The following SMCHD1 variants were observed in gnomAD, a reference collection of about 807,000 sequenced individuals.
The protein encoded by SMCHD1 is structural maintenance of chromosomes flexible hinge domain containing 1.
SMCHD1 carries 78 observed loss-of-function variants against 254.7 expected under a neutral mutation model. The observed-to-expected ratio is 0.31, with a 90% CI of 0.26 to 0.37. The LOEUF (loss-of-function observed/expected upper bound fraction) is 0.37, where lower values mean the gene tolerates loss of function less well. Among genes scored for constraint, SMCHD1 ranks in the 10% least tolerant of loss-of-function variants. The pLI is 1.00. For synonymous variants in SMCHD1, 766 were observed against 794.9 expected (o/e 0.96, Z 0.61); for missense variants, 1,840 against 2,408.1 (o/e 0.76, Z 4.94).
At chr18:2,722,938 T>C (rs1160785724) in intron 20 of SMCHD1, among the ~76,000 whole-genome samples, 1 of 145,054 alleles carries the variant, frequency 6.9e-6, no homozygotes, top group Non-Finnish European at 1.5e-5. Context: ...AAGTATGATA[T>C]AATGTCTCTT....
intron 5 of SMCHD1, among the ~76,000 whole-genome samples, chr18:2,678,603 C>G (rs1286587117): frequency 6.6e-6 from 1 of 152,062 alleles, no homozygotes. Flanking sequence ...AGGCGTGAGC[C>G]CCACCGCGCC....
At chr18:2,692,560 C>T (rs978812467) in intron 7 of SMCHD1, among the ~76,000 whole-genome samples, 1 of 152,166 alleles carries the variant, frequency 6.6e-6, no homozygotes, top group Admixed American at 6.5e-5. Context: ...TTTCTTTCAT[C>T]TATCCTCTCT....
chr18:2,789,910 G>A (rs149928809), intron 45 of SMCHD1, among the ~76,000 whole-genome samples: 54 of 152,330 alleles, frequency 3.5e-4, no homozygotes, highest in African/African-American at 1.1e-3. Context: ...CAGGCTGGGC[G>A]TGGTGGCTCA....
intron 45 of SMCHD1, among the ~76,000 whole-genome samples, chr18:2,789,005 G>C (rs1176259256): frequency 6.7e-6 from 1 of 148,538 alleles, no homozygotes; most frequent in East Asian, 2.0e-4. Context: ...TCACAGCTTT[G>C]TTTTTCTTTT....
chr18:2,771,085 G>C (rs926950361), intron 39 of SMCHD1, among the ~76,000 whole-genome samples: 2 of 152,094 alleles, frequency 1.3e-5, no homozygotes, highest in African/African-American at 4.8e-5. Flanking sequence ...TTTACCGCTT[G>C]CCTCAAAGTA....
At chr18:2,685,317 T>C (rs2074026562) in intron 5 of SMCHD1, among the ~76,000 whole-genome samples, 1 of 151,988 alleles carries the variant, frequency 6.6e-6, no homozygotes, top group South Asian at 2.1e-4. Flanking sequence ...GCCAGGATGG[T>C]CTTGATCTCC....
intron 7 of SMCHD1, among the ~76,000 whole-genome samples, chr18:2,692,699 T>C (rs1165211403): frequency 1.3e-5 from 2 of 152,234 alleles, no homozygotes; most frequent in South Asian, 2.1e-4. Flanking sequence ...TGGAATGTTA[T>C]TATTCAGTCA....
chr18:2,796,125 G>A lies in SMCHD1; in HGVS notation c.5878+18G>A. ...AAAACTAGGTAAGTCTTTGCTTTTT[G>A]TTAACTTCTACTTTCTTTATATGGA... On this transcript the variant is annotated intron_variant, in intron 46 of 47. Coordinates refer to ENST00000320876, the MANE Select transcript of SMCHD1 (RefSeq NM_015295.3). 1 of 1,503,280 alleles carries A rather than the reference G, an allele frequency of 6.7e-7. No individual in the cohort carries two copies. The highest frequency in any genetic ancestry group is 8.9e-7 in the Non-Finnish European group (1 of 1,125,522). The allele number at this position is 1,503,280 out of a possible 1,614,324, so 93.1% of individuals were successfully genotyped here. A position where few individuals can be genotyped will look rare whatever the true frequency, so the allele number is the denominator to read the frequency against.
intron 37 of SMCHD1, among the ~76,000 whole-genome samples, chr18:2,767,461 G>A (rs1022595579): frequency 3.3e-5 from 5 of 151,934 alleles, no homozygotes; most frequent in Admixed American, 6.6e-5. Flanking sequence ...ACTTAATGAC[G>A]GGCATATGTT....
chr18:2,708,725 C>G (rs972242189), intron 17 of SMCHD1, among the ~76,000 whole-genome samples: 2 of 150,658 alleles, frequency 1.3e-5, no homozygotes, highest in Non-Finnish European at 3.0e-5. Flanking sequence ...AAGCAATTCT[C>G]CTGTCTCAGC....
intron 5 of SMCHD1, among the ~76,000 whole-genome samples, chr18:2,679,417 A>G (rs1297847839): frequency 2.9e-5 from 4 of 135,608 alleles, no homozygotes; most frequent in Non-Finnish European, 4.7e-5. Context: ...CGGAGCTTGC[A>G]GTGAGCCGAG....
chr18:2,688,682 G>C lies in SMCHD1; in HGVS notation c.808G>C (p.Glu270Gln). 1 of 1,552,010 alleles carries C rather than the reference G, an allele frequency of 6.4e-7. No homozygotes were observed. Among genetic ancestry groups the C allele is most frequent in the Non-Finnish European group, 8.7e-7 (1 of 1,143,508 alleles). Residue 270 changes from glutamate (E) to glutamine (Q), a missense_variant, in exon 7 of 48, where the codon GAA (glutamate) becomes CAA (glutamine). By Grantham distance (29) the Glu-to-Gln change is conservative. This residue lies in a region of SMCHD1 where 498 missense variants were observed against 743.5 expected (regional missense o/e 0.67). Transcript: ENST00000320876. ...TGTTCACGAGCTTGTGCTTTCTAAAGAAGATTTTGAGAAGAAGGAGAAAAA... is the reference window on the plus strand; with the variant it reads ...TGTTCACGAGCTTGTGCTTTCTAAACAAGATTTTGAGAAGAAGGAGAAAAA... ...QDVHELVLSK[E>Q]DFEKKEKNKE... is the part of the protein sequence containing the mutation.
chr18:2,703,957 A>G, intron 13 of SMCHD1, 71 bp downstream of exon 13: 1 of 1,165,860 alleles, frequency 8.6e-7, no homozygotes, highest in Middle Eastern at 2.5e-4. Context: ...GCAGAATCAC[A>G]TGTATAGAAA....
At chr18:2,759,779 A>G (rs931673711) in intron 34 of SMCHD1, among the ~76,000 whole-genome samples, 2 of 152,006 alleles carry the variant, frequency 1.3e-5, no homozygotes, top group African/African-American at 4.8e-5. Flanking sequence ...CATGTTGGCC[A>G]GGCTGGTCTT....
Position 2,688,652 on chromosome 18 carries a change from C to A in SMCHD1, c.778C>A (p.Gln260Lys). 6.4e-7 allele frequency: 1 copy of A among 1,561,280 alleles called. No homozygotes were observed. ...ARMISKPADS[Q>K]DVHELVLSKE... The stretch of plus-strand genomic sequence containing the variant: ...GATGATAAGCAAACCTGCAGATTCC[C>A]AAGATGTTCACGAGCTTGTGCTTTC... Residue 260 changes from glutamine to lysine, a missense_variant, in exon 7 of 48, where the codon CAA becomes AAA. Coordinates refer to ENST00000320876, the MANE Select transcript of SMCHD1 (RefSeq NM_015295.3).
At chr18:2,741,449 C>T (rs1330448926) in intron 28 of SMCHD1, among the ~76,000 whole-genome samples, 3 of 152,102 alleles carry the variant, frequency 2.0e-5, no homozygotes, top group African/African-American at 7.2e-5. Flanking sequence ...TCATTGAATG[C>T]TTTTTAAAAC....
chr18:2,702,874 A>G (rs1428749404), intron 12 of SMCHD1, among the ~76,000 whole-genome samples: 1 of 152,200 alleles, frequency 6.6e-6, no homozygotes, highest in Non-Finnish European at 1.5e-5. Context: ...GAGTTCTGTA[A>G]CTTTACAGAC....
chr18:2,667,300 C>T (rs1222793940), intron 3 of SMCHD1, among the ~76,000 whole-genome samples: 1 of 152,152 alleles, frequency 6.6e-6, no homozygotes, highest in Non-Finnish European at 1.5e-5. Context: ...AGCTTTCCAT[C>T]GCCTGTATAC....
chr18:2,670,529 G>A (rs898569715), intron 3 of SMCHD1, among the ~76,000 whole-genome samples: 1 of 152,086 alleles, frequency 6.6e-6, no homozygotes, highest in African/African-American at 2.4e-5. Context: ...CCATTAGAAT[G>A]TTAAATCCCT....
Sources: allele counts gnomAD v4.1 joint callset (sites outside exome capture counted in the v4.1 genomes callset), GRCh38; gene constraint gnomAD v4.1.1; regional missense constraint gnomAD v4.1.1; transcripts MANE v1.5; gene names NCBI Gene and HGNC (gene_info 2026-07-23, HGNC 2026-07-21).